The following AGMO variants were observed in gnomAD, a reference collection of about 807,000 sequenced individuals.
AGMO encodes glyceryl-ether monooxygenase.
AGMO carries 75 observed loss-of-function variants against 60.2 expected under a neutral mutation model. The ratio of observed to expected loss-of-function variants is 1.25; its 90% CI spans 1.03 to 1.51. AGMO has a LOEUF of 1.51. Among genes scored for constraint, AGMO ranks in the 40% most tolerant of loss-of-function variants. The pLI is 0.00. For missense variants in AGMO, 763 were observed against 525.5 expected, an observed-to-expected ratio of 1.45 and a Z score of -4.42; for synonymous variants, 261 against 177.1, an observed-to-expected ratio of 1.47 and a Z score of -3.76.
intron 3 of AGMO, among the ~76,000 whole-genome samples, chr7:15,506,640 A>G (rs1562541750): frequency 1.3e-5 from 2 of 152,068 alleles, no homozygotes; most frequent in Non-Finnish European, 2.9e-5. Flanking sequence ...TTATTTGGCA[A>G]TTCTATTGTA....
chr7:15,316,166 A>T (rs1780918658), intron 12 of AGMO, among the ~76,000 whole-genome samples: 1 of 152,162 alleles, frequency 6.6e-6, no homozygotes, highest in Admixed American at 6.5e-5. Flanking sequence ...TGGAGTTGCC[A>T]AGGGAAAAAC....
intron 3 of AGMO, among the ~76,000 whole-genome samples, chr7:15,544,363 A>G (rs1423452149): frequency 1.3e-5 from 2 of 152,112 alleles, no homozygotes; most frequent in African/African-American, 4.8e-5. Context: ...CCAAAAACCT[A>G]TTGCAATAAA....
At chr7:15,430,933 T>TTTTTTTTTG (rs1781218609) in intron 4 of AGMO, 72 bp downstream of exon 4, 7 of 788,602 alleles carry the variant, frequency 8.9e-6, no homozygotes, top group South Asian at 2.7e-5. Context: ...TTTTTTTTTT[T>TTTTTTTTTG]GAGGAAATAG....
rs1336361719 is a variant in AGMO, at chr7:15,347,976, C to A, written c.1263+17538G>T. Among the ~76,000 whole-genome samples the A allele has an allele frequency of 4.6e-5, 7 of 152,152 alleles. No individual in the cohort carries two copies. In the East Asian group the frequency reaches 1.4e-3, roughly 29 times the overall value. The stretch of plus-strand genomic sequence containing the variant: ...ATAACTTTTCTTGACTTTACTCTTA[C>A]TAAATATAGTTTACTCAGCTCTTGA... On this transcript the variant is annotated intron_variant, in intron 12 of 12. Coordinates refer to ENST00000342526, the MANE Select transcript of AGMO (RefSeq NM_001004320.2).
chr7:15,531,681 C>T (rs887660335), intron 3 of AGMO, among the ~76,000 whole-genome samples: 1 of 141,634 alleles, frequency 7.1e-6, no homozygotes, highest in South Asian at 2.2e-4. Flanking sequence ...GAGGGAGTCT[C>T]ACTCTATTGC....
At chr7:15,431,226 G>T (rs1781229196) in intron 3 of AGMO, 118 bp from the exon 4 acceptor site, 1 of 681,716 alleles carries the variant, frequency 1.5e-6, no homozygotes, top group South Asian at 1.8e-5. Context: ...CTCTGTAAAA[G>T]CTGGCCAATA....
At position 15,411,389 on chromosome 7, in the gene AGMO, G is replaced by A. The variant is rs150934999; in HGVS notation, c.609+7169C>T. Among the ~76,000 whole-genome samples the A allele has an allele frequency of 3.9e-3, 595 of 152,062 alleles. 5 individuals are homozygous for A. The highest frequency in any genetic ancestry group is 2.5e-3 in the Non-Finnish European group (172 of 67,946). On this transcript the variant is annotated intron_variant, in intron 5 of 12. Transcript: ENST00000342526. ...GAAGCACAAGAAGGTAAAGAACTCC[G>A]TGCAAGTTCATAGGCACAGTAACAA...
chr7:15,396,907 A>T (rs1423925868), intron 5 of AGMO, among the ~76,000 whole-genome samples: 1 of 152,178 alleles, frequency 6.6e-6, no homozygotes, highest in African/African-American at 2.4e-5. Flanking sequence ...CTTTAGCTAG[A>T]CAGAAAAGTT....
At chr7:15,430,915 T>C (rs1051000601) in intron 4 of AGMO, 90 bp downstream of exon 4, 2 of 719,236 alleles carry the variant, frequency 2.8e-6, no homozygotes, top group Non-Finnish European at 4.1e-6. Context: ...ACACCTTCTA[T>C]TAGTTTTTTT....
the AGMO span, among the ~76,000 whole-genome samples, chr7:15,153,108 T>C: frequency 1.2e-3 from 188 of 152,296 alleles, no homozygotes; most frequent in South Asian, 0.012. Context: ...CATTTTTCCA[T>C]ATGTTTGTTG....
chr7:15,117,821 G>T, the AGMO span, among the ~76,000 whole-genome samples: 4 of 151,768 alleles, frequency 2.6e-5, no homozygotes, highest in Admixed American at 2.6e-4. Context: ...CACATTTAAG[G>T]GTACAGGAGA....
At chr7:15,271,830 A>T (rs565918564) in intron 12 of AGMO, among the ~76,000 whole-genome samples, 2 of 152,074 alleles carry the variant, frequency 1.3e-5, no homozygotes, top group Non-Finnish European at 2.9e-5. Flanking sequence ...TATTCTTTCG[A>T]GATATTTTTC....
At chr7:15,224,362 G>A (rs902353728) in intron 12 of AGMO, among the ~76,000 whole-genome samples, 9 of 151,906 alleles carry the variant, frequency 5.9e-5, no homozygotes, top group East Asian at 3.9e-4. Flanking sequence ...TAGAAAGCTC[G>A]TGAATGGGAT....
At chr7:15,124,520 T>A in the AGMO span, among the ~76,000 whole-genome samples, 3 of 152,084 alleles carry the variant, frequency 2.0e-5, no homozygotes, top group Non-Finnish European at 4.4e-5. Context: ...TTGAATCAGA[T>A]AAAGCTTCTC....
At chr7:15,551,972 A>G (rs574639388) in intron 2 of AGMO, among the ~76,000 whole-genome samples, 3,968 of 151,992 alleles carry the variant, frequency 0.026, 74 homozygotes, top group Non-Finnish European at 0.041. Context: ...CAAAACAGAG[A>G]TATAGATCAA....
intron 12 of AGMO, among the ~76,000 whole-genome samples, chr7:15,236,050 TTAAA>T (rs1452926769): frequency 6.6e-6 from 1 of 152,084 alleles, no homozygotes; most frequent in Admixed American, 6.6e-5. Flanking sequence ...TAAAGAAATA[TTAAA>T]TAAAGGAAAA....
At chr7:15,342,506 C>G (rs1781887702) in intron 12 of AGMO, among the ~76,000 whole-genome samples, 1 of 151,898 alleles carries the variant, frequency 6.6e-6, no homozygotes, top group Admixed American at 6.6e-5. Context: ...TTAGTCAAAA[C>G]CAGGTTTACT....
chr7:15,509,067 G>C (rs373778868), intron 3 of AGMO, among the ~76,000 whole-genome samples: 3 of 152,250 alleles, frequency 2.0e-5, no homozygotes, highest in African/African-American at 7.2e-5. Flanking sequence ...CAGGCTCACA[G>C]CTATGCAATC....
intron 3 of AGMO, among the ~76,000 whole-genome samples, chr7:15,482,298 A>T (rs1022809503): frequency 1.3e-5 from 2 of 152,136 alleles, no homozygotes; most frequent in Non-Finnish European, 2.9e-5. Flanking sequence ...GAAGATACAC[A>T]TTACCTATAA....
Sources: allele counts gnomAD v4.1 joint callset (sites outside exome capture counted in the v4.1 genomes callset), GRCh38; gene constraint gnomAD v4.1.1; transcripts MANE v1.5; gene names NCBI Gene and HGNC (gene_info 2026-07-23, HGNC 2026-07-21).